The following HHEX variants were observed in gnomAD, a reference collection of about 807,000 sequenced individuals.
HHEX encodes the protein hematopoietically-expressed homeobox protein HHEX.
Under a neutral mutation model 27.0 loss-of-function variants are expected in HHEX, and 8 were observed. That is an observed-to-expected ratio of 0.30 (90% CI 0.17 to 0.54). HHEX has a LOEUF of 0.54. Among genes scored for constraint, HHEX ranks in the 20% least tolerant of loss-of-function variants. HHEX has a pLI of 0.95. For synonymous variants in HHEX, 164 were observed against 161.5 expected, an observed-to-expected ratio of 1.02 and a Z score of -0.12; for missense variants, 326 against 357.2, an observed-to-expected ratio of 0.91 and a Z score of 0.70.
At position 92,692,519 on chromosome 10, in the gene HHEX, C is replaced by T; in HGVS notation, c.513C>T (p.Ala171=). ...YLSPPERKRL[A]KMLQLSERQV... ...CTCCGCCCGAGAGGAAGCGTCTGGC[C>T]AAGATGCTGCAGCTCAGCGAGAGAC... is the stretch of plus-strand genomic sequence containing the variant. The change falls in exon 2 of 4, where the codon GCC becomes GCT. Residue 171 remains alanine (A), a synonymous_variant. Coordinates refer to ENST00000282728, the MANE Select transcript of HHEX (RefSeq NM_002729.5). The T allele has an allele frequency of 6.2e-7, 1 of 1,613,796 alleles. No individual in the cohort carries two copies. The highest frequency in any genetic ancestry group is 8.5e-7 in the Non-Finnish European group (1 of 1,179,916).
intron 1 of HHEX, among the ~76,000 whole-genome samples, chr10:92,691,252 C>T (rs1845352481): frequency 1.3e-5 from 2 of 152,166 alleles, no homozygotes. Flanking sequence ...CTTGTCCCCT[C>T]AATGTGCGGC....
intron 3 of HHEX, among the ~76,000 whole-genome samples, chr10:92,693,202 A>T (rs532464203): frequency 1.3e-5 from 2 of 152,360 alleles, no homozygotes; most frequent in East Asian, 3.9e-4. Context: ...TGTTTTTTAG[A>T]AGAATTAAAT....
chr10:92,690,399 C>T (rs1293223077), intron 1 of HHEX, 52 bp downstream of exon 1: 2 of 1,397,286 alleles, frequency 1.4e-6, no homozygotes. Flanking sequence ...CGGCAGGTGG[C>T]AGCGCCCGGG....
At chr10:92,692,892 G>A (rs1845371821) in intron 3 of HHEX, 140 bp downstream of exon 3, 2 of 714,604 alleles carry the variant, frequency 2.8e-6, no homozygotes, top group Non-Finnish European at 4.7e-6. Flanking sequence ...AAATAGTCCT[G>A]CTGAAATTCA....
intron 1 of HHEX, 35 bp downstream of exon 1, chr10:92,690,382 C>A: frequency 2.9e-6 from 4 of 1,396,290 alleles, no homozygotes; most frequent in Non-Finnish European, 3.7e-6. Flanking sequence ...GGCGAGGAAG[C>A]GCCACCCGGC....
chr10:92,694,212 C>A (rs1845382364), intron 3 of HHEX, among the ~76,000 whole-genome samples: 1 of 152,176 alleles, frequency 6.6e-6, no homozygotes, highest in South Asian at 2.1e-4. Flanking sequence ...ATCTGATTTT[C>A]TTTCCCCCTT....
chr10:92,690,329 C>T lies in HHEX; in HGVS notation c.343C>T (p.Leu115Phe), dbSNP rs747172564. ...RTVNDYTHAL[L>F]RHDPLGKPLL... ...GGTGAACGACTACACGCACGCCCTG[C>T]TCCGCCACGACCCCCTGGGTAAGGC... The change falls in exon 1 of 4, where the codon CTC becomes TTC. Residue 115 changes from leucine to phenylalanine, a missense_variant. By Grantham distance (22) the Leu-to-Phe change is conservative. This residue lies in a region of HHEX where 215 missense variants were observed against 196.4 expected (regional missense o/e 1.09). Coordinates refer to ENST00000282728, the MANE Select transcript of HHEX (RefSeq NM_002729.5). 1.3e-6 allele frequency: 2 copies of T among 1,506,400 alleles called. No homozygotes were observed. Among genetic ancestry groups the T allele is most frequent in the African/African-American group, 1.4e-5 (1 of 70,024 alleles). 93.3% of individuals were successfully genotyped at this position (1,506,400 alleles called of 1,614,324 possible). A position where few individuals can be genotyped will look rare whatever the true frequency, so the allele number is the denominator to read the frequency against.
chr10:92,695,627 C>T lies in HHEX; in HGVS notation c.*859C>T, dbSNP rs1845399207. On this transcript the variant is annotated 3_prime_UTR_variant, in exon 4 of 4. Transcript: ENST00000282728. ...AACTTGACTATAAAATAAAGCCGTC[C>T]GTGGGACGACTGACCTCGTTGCAAG... 1 of 152,042 alleles carries T rather than the reference C, an allele frequency of 6.6e-6. No individual in the cohort carries two copies. The highest frequency in any genetic ancestry group is 2.4e-5 in the African/African-American group (1 of 41,392). 9.4% of individuals were successfully genotyped at this position (152,042 alleles called of 1,614,324 possible).
intron 1 of HHEX, chr10:92,692,102 A>T (rs1028878244): frequency 1.6e-5 from 5 of 321,126 alleles, no homozygotes; most frequent in Admixed American, 1.4e-4. Context: ...GGTTAAAGGT[A>T]TGTCTGGATT....
Position 92,695,445 on chromosome 10 carries a change from C to G in HHEX, c.*677C>G, listed in dbSNP as rs991922517. On this transcript the variant is annotated 3_prime_UTR_variant, in exon 4 of 4. Coordinates refer to ENST00000282728, the MANE Select transcript of HHEX (RefSeq NM_002729.5). ...CTCCCAATTCAAGCAGAGAAACTGACCTGACTAAAGTTAATCGCAGATGAA... is the reference window on the plus strand; with the variant it reads ...CTCCCAATTCAAGCAGAGAAACTGAGCTGACTAAAGTTAATCGCAGATGAA... 1 of 152,584 alleles carries G rather than the reference C, an allele frequency of 6.6e-6. No individual in the cohort carries two copies. Among genetic ancestry groups the G allele is most frequent in the Non-Finnish European group, 1.5e-5 (1 of 68,066 alleles). The allele number at this position is 152,584 out of a possible 1,614,324, so 9.5% of individuals were successfully genotyped here.
At position 92,690,007 on chromosome 10, in the gene HHEX, G is replaced by A. The variant is rs963194398; in HGVS notation, c.21G>A (p.Gly7=). The change falls in exon 1 of 4, where the codon GGG becomes GGA. Residue 7 remains glycine (G), a synonymous_variant. Coordinates refer to ENST00000282728, the MANE Select transcript of HHEX (RefSeq NM_002729.5). Reference sequence around the variant, plus strand: ...GAGCCATGCAGTACCCGCACCCCGGGCCGGCGGCGGGCGCCGTGGGGGTGC... The same window carrying A: ...GAGCCATGCAGTACCCGCACCCCGGACCGGCGGCGGGCGCCGTGGGGGTGC... MQYPHP[G]PAAGAVGVPL... 9.5e-6 allele frequency: 14 copies of A among 1,472,460 alleles called. No homozygotes were observed. Among genetic ancestry groups the A allele is most frequent in the African/African-American group, 1.5e-5 (1 of 67,486 alleles). The allele number at this position is 1,472,460 out of a possible 1,614,324, so 91.2% of individuals were successfully genotyped here.
intron 3 of HHEX, 85 bp downstream of exon 3, chr10:92,692,837 G>C: frequency 8.8e-7 from 1 of 1,132,802 alleles, no homozygotes; most frequent in Admixed American, 1.8e-5. Context: ...GTATGCAAAA[G>C]TCATTTAAGA....
chr10:92,694,916 T>C lies in HHEX; in HGVS notation c.*148T>C. ...AACCTAAAAATATTTGGTGCACTGC[T>C]CAATTAACAAACCTACATGGAGACC... On this transcript the variant is annotated 3_prime_UTR_variant, in exon 4 of 4. Transcript: ENST00000282728. 1 of 634,756 alleles carries C rather than the reference T, an allele frequency of 1.6e-6. No individual in the cohort carries two copies. The highest frequency in any genetic ancestry group is 2.7e-6 in the Non-Finnish European group (1 of 365,476). 39.3% of individuals were successfully genotyped at this position (634,756 alleles called of 1,614,324 possible). A position where few individuals can be genotyped will look rare whatever the true frequency, so the allele number is the denominator to read the frequency against.
intron 2 of HHEX, 47 bp from the exon 3 acceptor site, chr10:92,692,655 G>A (rs1168381605): frequency 1.2e-6 from 2 of 1,609,038 alleles, no homozygotes; most frequent in Non-Finnish European, 1.7e-6. Flanking sequence ...CCTCTGGCAC[G>A]TCCCGACGCG....
chr10:92,694,063 A>G (rs1010648252), intron 3 of HHEX, among the ~76,000 whole-genome samples: 5 of 152,244 alleles, frequency 3.3e-5, no homozygotes, highest in African/African-American at 1.2e-4. Flanking sequence ...CAGAAAATGA[A>G]TGAAAAAAGA....
chr10:92,691,896 C>T (rs1351471127), intron 1 of HHEX: 1 of 153,426 alleles, frequency 6.5e-6, no homozygotes, highest in Non-Finnish European at 1.5e-5. Context: ...TGTCCGGGCC[C>T]GAGCGCTTCC....
Position 92,694,989 on chromosome 10 carries a change from T to G in HHEX, c.*221T>G, listed in dbSNP as rs1176927192. ...TTTATGTACTGCTCTTAGGTTGTTT[T>G]GATAAAGTGACATTATAGTGATTAA... On this transcript the variant is annotated 3_prime_UTR_variant, in exon 4 of 4. Coordinates refer to ENST00000282728, the MANE Select transcript of HHEX (RefSeq NM_002729.5). 3.9e-6 allele frequency: 2 copies of G among 513,440 alleles called. No individual in the cohort carries two copies. Among genetic ancestry groups the G allele is most frequent in the Non-Finnish European group, 3.5e-6 (1 of 288,398 alleles). The allele number at this position is 513,440 out of a possible 1,614,324, so 31.8% of individuals were successfully genotyped here.
chr10:92,691,599 C>T (rs1845355787), intron 1 of HHEX: 1 of 152,226 alleles, frequency 6.6e-6, no homozygotes, highest in African/African-American at 2.4e-5. Flanking sequence ...CGGCCCGAGC[C>T]TGGCTGTGGT....
chr10:92,693,507 A>T (rs1379056768), intron 3 of HHEX, among the ~76,000 whole-genome samples: 2 of 152,242 alleles, frequency 1.3e-5, no homozygotes, highest in African/African-American at 4.8e-5. Context: ...TACGGTTTAT[A>T]ATAAATACTT....
Sources: allele counts gnomAD v4.1 joint callset (sites outside exome capture counted in the v4.1 genomes callset), GRCh38; gene constraint gnomAD v4.1.1; regional missense constraint gnomAD v4.1.1; transcripts MANE v1.5; gene names NCBI Gene and HGNC (gene_info 2026-07-23, HGNC 2026-07-21).